The following MCTP1 variants were observed in gnomAD, a reference collection of about 807,000 sequenced individuals.
MCTP1 encodes multiple C2 and transmembrane domain containing 1, also known as multiple C2 and transmembrane domain-containing protein 1.
A neutral mutation model predicts 120.6 loss-of-function variants in MCTP1; 69 were observed. The observed-to-expected ratio is 0.57, with a 90% CI of 0.47 to 0.70. The LOEUF is 0.70. Among genes scored for constraint, MCTP1 ranks in the 30% least tolerant of loss-of-function variants. The probability of loss-of-function intolerance (pLI) is 0.00; values close to 1 mark genes in which losing one functional copy is unlikely to be tolerated. For missense variants in MCTP1, 1,203 were observed against 1,248.8 expected (o/e 0.96, Z 0.55); for synonymous variants, 529 against 493.1 (o/e 1.07, Z -0.96).
At chr5:94,841,016 A>G (rs1398737280) in intron 17 of MCTP1, among the ~76,000 whole-genome samples, 1 of 152,204 alleles carries the variant, frequency 6.6e-6, no homozygotes, top group Admixed American at 6.5e-5. Context: ...TACTTGGCAC[A>G]GAGTAAGTAC....
At chr5:94,710,299 GA>G (rs1471908748) in intron 21 of MCTP1, 1 of 152,080 alleles carries the variant, frequency 6.6e-6, no homozygotes, top group Non-Finnish European at 1.5e-5. Flanking sequence ...GGTCTTTATA[GA>G]AACATTCTTG....
At chr5:94,864,935 T>G (rs1452379053) in intron 17 of MCTP1, among the ~76,000 whole-genome samples, 1 of 151,870 alleles carries the variant, frequency 6.6e-6, no homozygotes, top group Non-Finnish European at 1.5e-5. Flanking sequence ...CTGATGAAAA[T>G]TAGGCCCAAT....
chr5:95,235,031 A>G (rs888601431), intron 1 of MCTP1, among the ~76,000 whole-genome samples: 5 of 152,104 alleles, frequency 3.3e-5, no homozygotes, highest in African/African-American at 4.8e-5. Flanking sequence ...TAAGAAAACT[A>G]TAGACCAATA....
rs1181839777 is a variant in MCTP1 at position 94,940,272 on chromosome 5, T to C, written c.1062-77A>G. 10 of 800,240 alleles carry C rather than the reference T, an allele frequency of 1.2e-5. No homozygotes were observed. In the South Asian group the frequency reaches 1.8e-4, roughly 14 times the overall value. The allele number at this position is 800,240 out of a possible 1,614,324, so 49.6% of individuals were successfully genotyped here. A position where few individuals can be genotyped will look rare whatever the true frequency, so the allele number is the denominator to read the frequency against. ...ATATATTTTTATTAATGCTTTATTA[T>C]TTTAAGATAAAAAGTAATTTTGTCT... On this transcript the variant is annotated intron_variant, in intron 4 of 22. Coordinates refer to ENST00000515393, the MANE Select transcript of MCTP1 (RefSeq NM_024717.7).
intron 1 of MCTP1, among the ~76,000 whole-genome samples, chr5:95,159,403 A>G (rs182295369): frequency 1.1e-4 from 17 of 152,352 alleles, no homozygotes; most frequent in Admixed American, 3.9e-4. Flanking sequence ...ACTTTCTGAT[A>G]ACTACTGTGT....
At chr5:95,228,487 AGAGAGC>A (rs1238601610) in intron 1 of MCTP1, among the ~76,000 whole-genome samples, 2 of 148,596 alleles carry the variant, frequency 1.3e-5, no homozygotes, top group African/African-American at 5.0e-5. Flanking sequence ...AGAGAGAGAG[AGAGAGC>A]GAGACAAATG....
chr5:95,065,321 A>C (rs575991020), intron 1 of MCTP1, among the ~76,000 whole-genome samples: 2 of 152,064 alleles, frequency 1.3e-5, no homozygotes, highest in African/African-American at 2.4e-5. Context: ...AGAAAAAAAA[A>C]CTGGCAAATC....
At chr5:94,914,991 T>A (rs1343338441) in intron 8 of MCTP1, among the ~76,000 whole-genome samples, 1 of 152,216 alleles carries the variant, frequency 6.6e-6, no homozygotes, top group Non-Finnish European at 1.5e-5. Flanking sequence ...AGAATTGGGT[T>A]TTAAACTTTG....
At chr5:94,747,919 C>T (rs1427073786) in intron 19 of MCTP1, among the ~76,000 whole-genome samples, 5 of 152,124 alleles carry the variant, frequency 3.3e-5, no homozygotes, top group African/African-American at 7.2e-5. Flanking sequence ...GGTGAAATCC[C>T]GTCTCTACTA....
At chr5:95,079,798 A>G (rs1276138439) in intron 1 of MCTP1, among the ~76,000 whole-genome samples, 1 of 152,064 alleles carries the variant, frequency 6.6e-6, no homozygotes, top group Non-Finnish European at 1.5e-5. Context: ...TTTTATTAAT[A>G]TCACCAGCAC....
chr5:94,891,903 A>G (rs943839395), intron 11 of MCTP1, among the ~76,000 whole-genome samples: 5 of 152,216 alleles, frequency 3.3e-5, no homozygotes, highest in Non-Finnish European at 7.3e-5. Flanking sequence ...GAAGCCAGAA[A>G]TTTCCATAGC....
chr5:94,844,742 T>C (rs1215555082), intron 17 of MCTP1, among the ~76,000 whole-genome samples: 2 of 152,180 alleles, frequency 1.3e-5, no homozygotes, highest in Non-Finnish European at 2.9e-5. Context: ...TTGATGATTT[T>C]CTAAAAATAG....
At chr5:94,909,509 A>C (rs979716207) in intron 9 of MCTP1, 128 bp from the exon 10 acceptor site, 2 of 846,874 alleles carry the variant, frequency 2.4e-6, no homozygotes, top group Non-Finnish European at 3.5e-6. Context: ...TTTGAAAAAA[A>C]GATTACAGAA....
intron 1 of MCTP1, among the ~76,000 whole-genome samples, chr5:95,075,680 T>C (rs1237796311): frequency 6.6e-6 from 1 of 152,184 alleles, no homozygotes; most frequent in Non-Finnish European, 1.5e-5. Flanking sequence ...TTGTGTATAT[T>C]TTTACCTTAT....
intron 1 of MCTP1, among the ~76,000 whole-genome samples, chr5:95,055,479 A>G (rs114462864): frequency 2.0e-3 from 307 of 152,370 alleles, no homozygotes; most frequent in Non-Finnish European, 3.7e-3. Flanking sequence ...TTTAAAAAAT[A>G]TTAACTGATT....
At chr5:94,842,973 AT>A (rs1791467532) in intron 17 of MCTP1, among the ~76,000 whole-genome samples, 1 of 152,066 alleles carries the variant, frequency 6.6e-6, no homozygotes, top group African/African-American at 2.4e-5. Context: ...TAATGATACC[AT>A]TAATATTAAA....
intron 1 of MCTP1, among the ~76,000 whole-genome samples, chr5:95,272,175 G>A (rs979530148): frequency 1.1e-4 from 17 of 152,116 alleles, no homozygotes; most frequent in Admixed American, 2.6e-4. Context: ...GTGTGCATAC[G>A]TGTGTATAAG....
chr5:94,828,673 C>T (rs1026286245), intron 17 of MCTP1, among the ~76,000 whole-genome samples: 17 of 152,170 alleles, frequency 1.1e-4, no homozygotes, highest in East Asian at 1.9e-4. Context: ...GAATCTAGAG[C>T]GGCAGTCTGG....
intron 1 of MCTP1, among the ~76,000 whole-genome samples, chr5:95,114,608 G>A (rs1220483884): frequency 6.6e-6 from 1 of 152,180 alleles, no homozygotes; most frequent in Non-Finnish European, 1.5e-5. Context: ...ACTGCGTGTT[G>A]TTGTTTGAGT....
Sources: gnomAD v4.1 joint callset for allele counts (sites outside exome capture counted in the v4.1 genomes callset) on GRCh38, gnomAD v4.1.1 for gene constraint, MANE v1.5 for transcripts, NCBI Gene and HGNC (gene_info 2026-07-23, HGNC 2026-07-21) for gene names.